The following STAP2 variants were observed in gnomAD, a reference collection of about 807,000 sequenced individuals.
STAP2 encodes signal transducing adaptor family member 2, also known as signal-transducing adaptor protein 2.
STAP2 carries 58 observed loss-of-function variants against 52.7 expected under a neutral mutation model. That is an observed-to-expected ratio of 1.10 (90% CI 0.89 to 1.37). STAP2 has a LOEUF of 1.37. STAP2 is among the 40% of genes most tolerant of loss of function. STAP2 has a pLI of 0.00. For synonymous variants in STAP2, 231 were observed against 210.5 expected, an observed-to-expected ratio of 1.10 and a Z score of -0.84; for missense variants, 522 against 519.4, an observed-to-expected ratio of 1.00 and a Z score of -0.05.
Position 4,329,949 on chromosome 19 carries a change from C to G in STAP2, c.455+12G>C, listed in dbSNP as rs765139853. On this transcript the variant is annotated intron_variant, in intron 5 of 12. Transcript: ENST00000594605. ...CCATCCTGCAGCCCCTCGGGACAGG[C>G]GGGACACTCACGAGGGTGTCTCCAG... is the stretch of plus-strand genomic sequence containing the variant. 1 of 1,610,132 alleles carries G rather than the reference C, an allele frequency of 6.2e-7. No homozygotes were observed. Among genetic ancestry groups the G allele is most frequent in the Non-Finnish European group, 8.5e-7 (1 of 1,177,492 alleles).
At chr19:4,329,931 G>T (rs1258321668) in intron 5 of STAP2, 30 bp downstream of exon 5, 2 of 1,587,278 alleles carry the variant, frequency 1.3e-6, no homozygotes, top group Non-Finnish European at 1.7e-6. Flanking sequence ...TCCCCATCCT[G>T]CAGCCCCTCG....
intron 1 of STAP2, 77 bp from the exon 2 acceptor site, chr19:4,334,121 G>A (rs1245110097): frequency 7.6e-7 from 1 of 1,307,628 alleles, no homozygotes; most frequent in African/African-American, 1.5e-5. Context: ...CCTGTCTCGG[G>A]GCCTTTGCAC....
intron 1 of STAP2, chr19:4,338,252 A>G (rs574194329): frequency 1.2e-5 from 2 of 171,386 alleles, no homozygotes; most frequent in South Asian, 2.9e-4. Flanking sequence ...AGGTTCACGG[A>G]GTTTTTCCTG....
At chr19:4,333,624 T>TGGA (rs1319745288) in intron 3 of STAP2, 70 bp downstream of exon 3, 3 of 1,527,696 alleles carry the variant, frequency 2.0e-6, no homozygotes, top group Admixed American at 2.2e-5. Context: ...GTTGGCACAA[T>TGGA]GGAGGGTAGG....
chr19:4,324,712 A>T lies in STAP2; in HGVS notation c.1073-183T>A, dbSNP rs967736061. ...ATGGACGTGGTGGCAGGTGCCTGTA[A>T]TCCCAGCTACTTGGGAGGCTGAGGC... On this transcript the variant is annotated intron_variant, in intron 11 of 12. Transcript: ENST00000594605. 3 of 572,456 alleles carry T rather than the reference A, an allele frequency of 5.2e-6. No individual in the cohort carries two copies. The Admixed American group carries it at 9.1e-5, about 17-fold the overall frequency. The allele number at this position is 572,456 out of a possible 1,614,324, so 35.5% of individuals were successfully genotyped here.
intron 1 of STAP2, among the ~76,000 whole-genome samples, chr19:4,336,628 T>C (rs1169505814): frequency 6.7e-6 from 1 of 149,528 alleles, no homozygotes; most frequent in East Asian, 2.0e-4. Flanking sequence ...TATCTTTCTT[T>C]TCTTTTTTTT....
chr19:4,336,314 CTT>C (rs978535649), intron 1 of STAP2, among the ~76,000 whole-genome samples: 7 of 83,428 alleles, frequency 8.4e-5, no homozygotes, highest in African/African-American at 1.0e-4. Flanking sequence ...TGCACACTGC[CTT>C]TTTTTTTTTT....
chr19:4,335,373 G>A (rs575405557), intron 1 of STAP2, among the ~76,000 whole-genome samples: 10 of 143,378 alleles, frequency 7.0e-5, no homozygotes, highest in Non-Finnish European at 1.4e-4. Flanking sequence ...CCATGCACTT[G>A]TTCATCCATC....
In STAP2 at chr19:4,326,989, T is replaced by C. The variant is rs1342338580; in HGVS notation, c.782A>G (p.Lys261Arg). The change falls in exon 9 of 13, where the codon AAG becomes AGG. Residue 261 changes from lysine to arginine, a missense_variant. Coordinates refer to ENST00000594605, the MANE Select transcript of STAP2 (RefSeq NM_001013841.2). ...CACCCACACATTCTCGCCATTCTCC[T>C]TATCGGCTTCCACGTAGCCTGGAAC... ...EKVLGYVEAD[K>R]ENGENVWVAP... 53 of 1,555,452 alleles carry C rather than the reference T, an allele frequency of 3.4e-5. No individual in the cohort carries two copies. The highest frequency in any genetic ancestry group is 4.4e-5 in the Non-Finnish European group (50 of 1,148,666).
Position 4,327,355 on chromosome 19 carries a change from C to T in STAP2, c.621G>A (p.Lys207=). ...CGATCACGTACTTGGGGCCCTCCCG[C>T]TTCACCTTGTAATGCCGGACCACGT... ...GTHVVRHYKV[K]REGPKYVIDV... is the part of the protein sequence containing the mutation. The change falls in exon 7 of 13, where the codon AAG becomes AAA. Residue 207 remains lysine (K), a synonymous_variant. Coordinates refer to ENST00000594605, the MANE Select transcript of STAP2 (RefSeq NM_001013841.2). The T allele has an allele frequency of 1.2e-6, 2 of 1,614,126 alleles. No individual in the cohort carries two copies. Among genetic ancestry groups the T allele is most frequent in the South Asian group, 2.2e-5 (2 of 91,088 alleles).
chr19:4,325,563 T>C lies in STAP2; in HGVS notation c.830-18A>G, dbSNP rs1399755528. ...TGCAGGACCTGATGGGGAAACGTGG[T>C]CACTGTCAAGACCCATGTCATACAG... On this transcript the variant is annotated intron_variant, in intron 9 of 12. Transcript: ENST00000594605. The C allele has an allele frequency of 6.4e-7, 1 of 1,561,036 alleles. No individual in the cohort carries two copies. The highest frequency in any genetic ancestry group is 2.2e-5 in the East Asian group (1 of 44,638).
intron 6 of STAP2, among the ~76,000 whole-genome samples, chr19:4,327,935 C>A (rs1441904600): frequency 6.6e-6 from 1 of 151,846 alleles, no homozygotes; most frequent in Non-Finnish European, 1.5e-5. Flanking sequence ...CAAAAAGGAT[C>A]ACGGCCATGA....
intron 4 of STAP2, among the ~76,000 whole-genome samples, 153 bp from the exon 5 acceptor site, chr19:4,330,214 A>G (rs1971867056): frequency 6.6e-6 from 1 of 152,012 alleles, no homozygotes; most frequent in South Asian, 2.1e-4. Context: ...GTTGCAGAGG[A>G]GTGTTGCATG....
chr19:4,338,708 C>A lies in STAP2; in HGVS notation c.46G>T (p.Val16Phe). 1 of 1,613,798 alleles carries A rather than the reference C, an allele frequency of 6.2e-7. No individual in the cohort carries two copies. The highest frequency in any genetic ancestry group is 8.5e-7 in the Non-Finnish European group (1 of 1,179,858). ...CTCTCATAGTAGTGTGAAGGCAGGA[C>A]ACCCTTAGGCTTGGGGACACGGGGT... The part of the protein sequence containing the change: ...RPPRVPKPKG[V>F]LPSHYYESFL... The change falls in exon 1 of 13, where the codon GTC becomes TTC. Residue 16 changes from valine (V) to phenylalanine (F), a missense_variant. Physicochemically the swap from Val to Phe is conservative, Grantham distance 50 (BLOSUM62 -1). Transcript: ENST00000594605.
intron 1 of STAP2, among the ~76,000 whole-genome samples, chr19:4,334,853 TC>T (rs1568388637): frequency 0.017 from 458 of 26,812 alleles, 7 homozygotes; most frequent in Middle Eastern, 0.05. Flanking sequence ...ATCCATCCAC[TC>T]ATCTATCAAT....
chr19:4,326,277 A>G (rs1273512599), intron 9 of STAP2, among the ~76,000 whole-genome samples: 1 of 152,198 alleles, frequency 6.6e-6, no homozygotes, highest in African/African-American at 2.4e-5. Context: ...ACGTGTATTT[A>G]TGCATGTGTG....
intron 5 of STAP2, 152 bp downstream of exon 5, chr19:4,329,809 C>CCA: frequency 4.5e-6 from 1 of 224,000 alleles, no homozygotes; most frequent in South Asian, 5.8e-5. Flanking sequence ...GGCCATAACT[C>CCA]CCCCTCCCCC....
intron 8 of STAP2, 47 bp from the exon 9 acceptor site, chr19:4,327,054 G>T (rs949438604): frequency 1.2e-6 from 2 of 1,601,306 alleles, no homozygotes; most frequent in Non-Finnish European, 1.7e-6. Context: ...GCCAGGGGCG[G>T]CCCGGTCCGT....
rs1183990311 is a variant in STAP2 at position 4,326,932 on chromosome 19, G to C, written c.829+10C>G. ...CCCTCCCACCTCGGCCCGCGGGAAG[G>C]GGGCGTCACCTGGGCCCGGAGCGGA... On this transcript the variant is annotated intron_variant, in intron 9 of 12. Coordinates refer to ENST00000594605, the MANE Select transcript of STAP2 (RefSeq NM_001013841.2). The C allele has an allele frequency of 6.4e-6, 10 of 1,551,218 alleles. No individual in the cohort carries two copies. The highest frequency in any genetic ancestry group is 7.8e-6 in the Non-Finnish European group (9 of 1,146,914).
Sources: gnomAD v4.1 joint callset for allele counts (sites outside exome capture counted in the v4.1 genomes callset) on GRCh38, gnomAD v4.1.1 for gene constraint, MANE v1.5 for transcripts, NCBI Gene and HGNC (gene_info 2026-07-23, HGNC 2026-07-21) for gene names.